The following GULP1 variants were observed in gnomAD, a reference collection of about 807,000 sequenced individuals.
GULP1 encodes the protein PTB domain-containing engulfment adapter protein 1.
In GULP1, 19 loss-of-function variants were observed where a neutral mutation model predicts 40.9. That is an observed-to-expected ratio of 0.46 (90% CI 0.32 to 0.68). GULP1 has a LOEUF of 0.68. Among genes scored for constraint, GULP1 ranks in the 30% least tolerant of loss-of-function variants. The pLI is 0.03. For missense variants in GULP1, 312 were observed against 362.2 expected, an observed-to-expected ratio of 0.86 and a Z score of 1.12; for synonymous variants, 119 against 117.6, an observed-to-expected ratio of 1.01 and a Z score of -0.08.
chr2:188,468,963 G>T (rs2060358520), intron 2 of GULP1, among the ~76,000 whole-genome samples: 1 of 152,148 alleles, frequency 6.6e-6, no homozygotes, highest in Non-Finnish European at 1.5e-5. Flanking sequence ...GTGTAGGAAA[G>T]TAGGACAAAT....
intron 4 of GULP1, among the ~76,000 whole-genome samples, chr2:188,513,396 T>C (rs1479058049): frequency 6.6e-6 from 1 of 152,168 alleles, no homozygotes; most frequent in Non-Finnish European, 1.5e-5. Flanking sequence ...AAGTTCAATA[T>C]ATGTAGATAC....
chr2:188,303,080 C>G (rs34445909), intron 1 of GULP1, among the ~76,000 whole-genome samples: 2 of 151,890 alleles, frequency 1.3e-5, no homozygotes, highest in Non-Finnish European at 2.9e-5. Context: ...TTTTTCAACA[C>G]TAATTTTATA....
At chr2:188,326,206 A>G (rs2040739700) in intron 1 of GULP1, among the ~76,000 whole-genome samples, 2 of 152,138 alleles carry the variant, frequency 1.3e-5, no homozygotes, top group South Asian at 2.1e-4. Context: ...CATTATGCAT[A>G]TTAAGTCCAG....
chr2:188,473,536 C>T (rs893522842), intron 2 of GULP1, among the ~76,000 whole-genome samples: 3 of 152,082 alleles, frequency 2.0e-5, no homozygotes, highest in African/African-American at 7.2e-5. Flanking sequence ...GGAAGGTATG[C>T]CTCACCCCAT....
intron 11 of GULP1, 154 bp downstream of exon 11, chr2:188,588,103 G>C (rs1198724549): frequency 1.5e-6 from 1 of 668,262 alleles, no homozygotes; most frequent in Non-Finnish European, 2.8e-6. Flanking sequence ...TGTACAGTTA[G>C]TCCTAAAAAT....
chr2:188,370,806 G>T (rs1014923678), intron 1 of GULP1, among the ~76,000 whole-genome samples: 3 of 151,988 alleles, frequency 2.0e-5, no homozygotes, highest in Non-Finnish European at 2.9e-5. Context: ...TTTGAGGGGG[G>T]ATTGTCTTTA....
chr2:188,522,850 A>T, intron 5 of GULP1, 23 bp downstream of exon 5: 1 of 1,421,706 alleles, frequency 7.0e-7, no homozygotes, highest in South Asian at 1.1e-5. Flanking sequence ...CTTCAAATAA[A>T]TTACAAGTGT....
At chr2:188,306,039 A>G (rs1334457575) in intron 1 of GULP1, among the ~76,000 whole-genome samples, 1 of 152,044 alleles carries the variant, frequency 6.6e-6, no homozygotes, top group African/African-American at 2.4e-5. Context: ...CAGCCTCCCA[A>G]AGTGCTGGGA....
chr2:188,295,188 C>T (rs183651727), intron 1 of GULP1, among the ~76,000 whole-genome samples: 1 of 152,282 alleles, frequency 6.6e-6, no homozygotes, highest in African/African-American at 2.4e-5. Flanking sequence ...ACTTGGCTCT[C>T]TTCTCAGAAA....
intron 1 of GULP1, among the ~76,000 whole-genome samples, chr2:188,335,828 T>A (rs2042182769): frequency 1.3e-5 from 2 of 152,198 alleles, no homozygotes; most frequent in Admixed American, 6.5e-5. Context: ...GACTTCAACT[T>A]GTATGTAACA....
At chr2:188,438,370 A>G (rs1426110599) in intron 2 of GULP1, among the ~76,000 whole-genome samples, 3 of 151,302 alleles carry the variant, frequency 2.0e-5, no homozygotes, top group Admixed American at 6.6e-5. Flanking sequence ...TAGATATATC[A>G]CATGTATAGC....
chr2:188,472,650 ATC>A (rs1575474230), intron 2 of GULP1, among the ~76,000 whole-genome samples: 1 of 152,000 alleles, frequency 6.6e-6, no homozygotes, highest in East Asian at 1.9e-4. Flanking sequence ...AATTATTTCA[ATC>A]TCTTTCTTTA....
rs77254286 is a variant in GULP1 at position 188,379,836 on chromosome 2, G to C, written c.-171-3927G>C. ...AGATGGCGTGTTCGTTCTTATTCCT[G>C]TGCCCTTGCTTATGGTGTTTCCTTT... On this transcript the variant is annotated intron_variant, in intron 1 of 11. Transcript: ENST00000409830. 7.2e-4 allele frequency among the ~76,000 whole-genome samples: 110 copies of C among 152,176 alleles called. No individual in the cohort carries two copies. The East Asian group carries it at 0.019, about 26-fold the overall frequency.
At chr2:188,415,388 C>T (rs60885306) in intron 2 of GULP1, among the ~76,000 whole-genome samples, 8,128 of 152,002 alleles carry the variant, frequency 0.053, 728 homozygotes, top group African/African-American at 0.18. Flanking sequence ...CTGTACATAT[C>T]TGTCTGTGAA....
At chr2:188,482,618 C>G (rs955783780) in intron 3 of GULP1, among the ~76,000 whole-genome samples, 2 of 151,622 alleles carry the variant, frequency 1.3e-5, no homozygotes, top group Non-Finnish European at 3.0e-5. Flanking sequence ...CCCCATTATG[C>G]ATTCCTCAAA....
At chr2:188,406,433 CAGTGA>C (rs1391416495) in intron 2 of GULP1, among the ~76,000 whole-genome samples, 2 of 151,770 alleles carry the variant, frequency 1.3e-5, no homozygotes, top group East Asian at 3.9e-4. Context: ...TAGGAAAGCT[CAGTGA>C]AGTTGAAGAA....
At chr2:188,299,439 G>A (rs952836085) in intron 1 of GULP1, among the ~76,000 whole-genome samples, 1 of 152,112 alleles carries the variant, frequency 6.6e-6, no homozygotes, top group African/African-American at 2.4e-5. Flanking sequence ...CTTTCTTTGG[G>A]ACTTTCTTAT....
chr2:188,496,443 C>T (rs2062903084), intron 4 of GULP1, among the ~76,000 whole-genome samples: 1 of 151,934 alleles, frequency 6.6e-6, no homozygotes, highest in Non-Finnish European at 1.5e-5. Context: ...CAGGAAATAA[C>T]CTATTTTTAT....
chr2:188,593,874 T>C (rs1004964163), intron 11 of GULP1, 66 bp from the exon 12 acceptor site: 12 of 894,380 alleles, frequency 1.3e-5, no homozygotes, highest in Admixed American at 1.9e-5. Flanking sequence ...GCATAGTCTT[T>C]TTTATTCACT....
Sources: allele counts gnomAD v4.1 joint callset (sites outside exome capture counted in the v4.1 genomes callset), GRCh38; gene constraint gnomAD v4.1.1; transcripts MANE v1.5; gene names NCBI Gene and HGNC (gene_info 2026-07-23, HGNC 2026-07-21).